The following WDR49 variants were observed in gnomAD, a reference collection of about 807,000 sequenced individuals.
WDR49 encodes the protein WD repeat domain 49.
Under a neutral mutation model 119.5 loss-of-function variants are expected in WDR49, and 107 were observed. The ratio of observed to expected loss-of-function variants is 0.90; its 90% CI spans 0.77 to 1.05. The LOEUF is 1.05. Ranked by LOEUF, WDR49 falls within the 50% of genes least tolerant of loss-of-function variation. The pLI is 0.00. For synonymous variants in WDR49, 425 were observed against 418.8 expected (o/e 1.01, Z -0.18); for missense variants, 1,240 against 1,220.5 (o/e 1.02, Z -0.24).
intron 8 of WDR49, among the ~76,000 whole-genome samples, chr3:167,574,485 A>G (rs1049022664): frequency 6.6e-6 from 1 of 152,250 alleles, no homozygotes; most frequent in African/African-American, 2.4e-5. Context: ...TGTGCTTTAC[A>G]TACATATCAA....
chr3:167,655,440 G>A (rs879602763), upstream of WDR49, among the ~76,000 whole-genome samples: 4 of 152,012 alleles, frequency 2.6e-5, no homozygotes, highest in Non-Finnish European at 5.9e-5. Flanking sequence ...GGTCTCTTCC[G>A]GCTCTAACAT....
chr3:167,604,497 A>G (rs1000879107), intron 5 of WDR49, 29 bp from the exon 6 acceptor site: 1 of 1,545,742 alleles, frequency 6.5e-7, no homozygotes, highest in Non-Finnish European at 8.7e-7. Flanking sequence ...GAGAAAAACA[A>G]TCTTTAGTTG....
At chr3:167,489,169 G>T (rs1751032809) in intron 18 of WDR49, among the ~76,000 whole-genome samples, 1 of 151,900 alleles carries the variant, frequency 6.6e-6, no homozygotes, top group Admixed American at 6.6e-5. Context: ...GACTTTGTTT[G>T]CCTTTGTATA....
At chr3:167,523,617 A>G (rs907731680) in intron 15 of WDR49, among the ~76,000 whole-genome samples, 2 of 151,572 alleles carry the variant, frequency 1.3e-5, no homozygotes, top group Non-Finnish European at 2.9e-5. Flanking sequence ...TAATTGTTCA[A>G]CTCTCACTTA....
intron 5 of WDR49, among the ~76,000 whole-genome samples, chr3:167,610,590 C>A (rs1716293332): frequency 6.6e-6 from 1 of 152,214 alleles, no homozygotes; most frequent in Admixed American, 6.5e-5. Flanking sequence ...CATTTTGGGA[C>A]CCACCCAGGG....
At chr3:167,600,118 A>G (rs1715685746) in intron 7 of WDR49, among the ~76,000 whole-genome samples, 1 of 152,046 alleles carries the variant, frequency 6.6e-6, no homozygotes, top group African/African-American at 2.4e-5. Context: ...CCAAGATGCA[A>G]GACAAAAGTC....
chr3:167,605,129 T>C (rs113172613), intron 5 of WDR49, among the ~76,000 whole-genome samples: 74 of 140,530 alleles, frequency 5.3e-4, no homozygotes, highest in East Asian at 3.7e-3. Context: ...CACACACACA[T>C]ACACAGGTAT....
intron 11 of WDR49, among the ~76,000 whole-genome samples, chr3:167,534,539 G>T (rs1309778463): frequency 6.6e-6 from 1 of 152,074 alleles, no homozygotes; most frequent in Non-Finnish European, 1.5e-5. Context: ...AATTTCATTA[G>T]TCCTGAAAAC....
chr3:167,642,597 A>G (rs1717933450), intron 2 of WDR49, among the ~76,000 whole-genome samples: 1 of 151,968 alleles, frequency 6.6e-6, no homozygotes, highest in African/African-American at 2.4e-5. Flanking sequence ...AGGTATAGAT[A>G]TATCCTAGCT....
At chr3:167,496,558 T>A (rs1444995758) in intron 18 of WDR49, among the ~76,000 whole-genome samples, 1 of 152,162 alleles carries the variant, frequency 6.6e-6, no homozygotes, top group Non-Finnish European at 1.5e-5. Flanking sequence ...TGAATTTTCA[T>A]GTGTTCCCAT....
chr3:167,495,883 G>GAAAAAAAAAAAAAAAAAA, intron 18 of WDR49, among the ~76,000 whole-genome samples: 17 of 71,224 alleles, frequency 2.4e-4, no homozygotes, highest in African/African-American at 3.3e-4. Flanking sequence ...TTAAAAATTT[G>GAAAAAAAAAAAAAAAAAA]AAAAAAAAAA....
chr3:167,567,622 T>C (rs1285717985), intron 8 of WDR49, among the ~76,000 whole-genome samples: 1 of 152,202 alleles, frequency 6.6e-6, no homozygotes, highest in East Asian at 1.9e-4. Flanking sequence ...TTCCATAGCA[T>C]TGACGGTCCT....
chr3:167,501,172 G>T (rs571927370), intron 17 of WDR49, among the ~76,000 whole-genome samples: 2 of 152,298 alleles, frequency 1.3e-5, no homozygotes, highest in Admixed American at 1.3e-4. Flanking sequence ...GATGCTTACG[G>T]TGCTAGGCCA....
At chr3:167,614,147 T>C (rs1029945957) in intron 5 of WDR49, among the ~76,000 whole-genome samples, 1 of 151,992 alleles carries the variant, frequency 6.6e-6, no homozygotes, top group African/African-American at 2.4e-5. Flanking sequence ...CAGGTTGGAG[T>C]GCTATGGGCA....
chr3:167,649,344 T>A (rs1176626207), intron 2 of WDR49, among the ~76,000 whole-genome samples: 2 of 152,108 alleles, frequency 1.3e-5, no homozygotes, highest in African/African-American at 4.8e-5. Flanking sequence ...CCAATCTGAC[T>A]TTCTATATTC....
intron 18 of WDR49, among the ~76,000 whole-genome samples, chr3:167,484,782 C>T (rs918273591): frequency 6.6e-6 from 1 of 150,488 alleles, no homozygotes; most frequent in Admixed American, 6.6e-5. Context: ...TGGTGGAATA[C>T]CACGGGTAAA....
chr3:167,493,760 C>G (rs1751240182), intron 18 of WDR49, among the ~76,000 whole-genome samples: 1 of 152,114 alleles, frequency 6.6e-6, no homozygotes, highest in Admixed American at 6.5e-5. Flanking sequence ...TTTCAGTTAT[C>G]ACTTATTCTT....
intron 3 of WDR49, among the ~76,000 whole-genome samples, chr3:167,622,471 C>T (rs1289194241): frequency 6.6e-6 from 1 of 152,080 alleles, no homozygotes; most frequent in Non-Finnish European, 1.5e-5. Flanking sequence ...ACCATTCTGC[C>T]AATCTTTGCC....
intron 17 of WDR49, among the ~76,000 whole-genome samples, chr3:167,500,915 A>G (rs141666927): frequency 0.011 from 1,616 of 152,310 alleles, 31 homozygotes; most frequent in African/African-American, 0.035. Flanking sequence ...TAGTTCTGTG[A>G]AGGTAGGAAC....
Sources: gnomAD v4.1 joint callset for allele counts (sites outside exome capture counted in the v4.1 genomes callset) on GRCh38, gnomAD v4.1.1 for gene constraint, MANE v1.5 for transcripts, NCBI Gene and HGNC (gene_info 2026-07-23, HGNC 2026-07-21) for gene names.